RANBP2: variants seen among roughly 807,000 people sequenced by gnomAD.
RANBP2 encodes E3 SUMO-protein ligase RanBP2.
A neutral mutation model predicts 303.6 loss-of-function variants in RANBP2; 57 were observed. The observed-to-expected ratio is 0.19, with a 90% confidence interval of 0.15 to 0.23. RANBP2 has a LOEUF of 0.23. RANBP2 is among the 10% of genes least tolerant of loss of function. RANBP2 has a pLI of 1.00. For synonymous variants in RANBP2, 1,167 were observed against 1,301.5 expected (o/e 0.90, Z 2.23); for missense variants, 3,138 against 3,780.8 (o/e 0.83, Z 4.46).
chr2:108,758,581 G>T (rs779612317), intron 18 of RANBP2, 33 bp downstream of exon 18: 56 of 1,610,264 alleles, frequency 3.5e-5, no homozygotes, highest in Non-Finnish European at 4.6e-5. Context: ...GCATATTTTA[G>T]TAAAACTACT....
At chr2:108,768,621 G>A (rs889785858) in intron 20 of RANBP2, among the ~76,000 whole-genome samples, 1 of 152,122 alleles carries the variant, frequency 6.6e-6, no homozygotes, top group Non-Finnish European at 1.5e-5. Flanking sequence ...ATCATGCTAG[G>A]GCAGAGCAAA....
the RANBP2 span, among the ~76,000 whole-genome samples, chr2:108,913,462 A>G: frequency 6.6e-6 from 1 of 152,128 alleles, no homozygotes. Context: ...TACATAGAGT[A>G]GGAATGTGTT....
the RANBP2 span, among the ~76,000 whole-genome samples, chr2:109,341,472 A>T: frequency 6.6e-6 from 1 of 152,250 alleles, no homozygotes; most frequent in Non-Finnish European, 1.5e-5. Context: ...TATGAAAGTC[A>T]GTGCCTTGGC....
At chr2:109,326,303 GA>G in the RANBP2 span, among the ~76,000 whole-genome samples, 2 of 152,082 alleles carry the variant, frequency 1.3e-5, no homozygotes, top group African/African-American at 2.4e-5. Context: ...TCATGGATCT[GA>G]GTATATCATA....
At chr2:109,216,270 A>G in the RANBP2 span, among the ~76,000 whole-genome samples, 2 of 152,286 alleles carry the variant, frequency 1.3e-5, no homozygotes, top group East Asian at 1.9e-4. Flanking sequence ...GGCCAGCTCT[A>G]GCCCTGACTT....
chr2:109,595,473 A>G, the RANBP2 span, among the ~76,000 whole-genome samples: 1 of 152,318 alleles, frequency 6.6e-6, no homozygotes, highest in East Asian at 1.9e-4. Flanking sequence ...GTACCTAAGC[A>G]GTATCACGTC....
rs781507647 is a variant in RANBP2 at position 108,777,112 on chromosome 2, C to T, written c.8498-18C>T. The stretch of plus-strand genomic sequence containing the variant: ...AGCACAAATTAAATAGTAAATTGTT[C>T]TTTTTTTCTTTTGCCAGGGGAAAGC... On this transcript the variant is annotated intron_variant, in intron 24 of 28. Transcript: ENST00000283195. 3.7e-6 allele frequency: 6 copies of T among 1,606,490 alleles called. No individual in the cohort carries two copies. The highest frequency in any genetic ancestry group is 3.3e-4 in the Middle Eastern group (2 of 6,038).
At chr2:109,620,442 A>G in the RANBP2 span, among the ~76,000 whole-genome samples, 18 of 152,294 alleles carry the variant, frequency 1.2e-4, no homozygotes, top group Non-Finnish European at 2.5e-4. Context: ...TGGCTCACGC[A>G]TGTAATCCCA....
the RANBP2 span, among the ~76,000 whole-genome samples, chr2:108,860,688 A>G: frequency 8.3e-4 from 126 of 151,958 alleles, no homozygotes; most frequent in African/African-American, 2.9e-3. Context: ...TTGATGTGCT[A>G]CTAGGTTCCG....
chr2:109,055,325 A>AGTATATGT, the RANBP2 span, among the ~76,000 whole-genome samples: 1 of 149,608 alleles, frequency 6.7e-6, no homozygotes, highest in Non-Finnish European at 1.5e-5. Context: ...AGTATATTCC[A>AGTATATGT]GTATATGTGT....
chr2:109,690,250 T>A, the RANBP2 span, among the ~76,000 whole-genome samples: 2 of 152,160 alleles, frequency 1.3e-5, no homozygotes, highest in Non-Finnish European at 2.9e-5. Flanking sequence ...GAGACATCAA[T>A]TAACATATGT....
At chr2:109,230,908 C>T in the RANBP2 span, among the ~76,000 whole-genome samples, 12 of 152,330 alleles carry the variant, frequency 7.9e-5, no homozygotes, top group East Asian at 1.3e-3. Context: ...TCTCCCATCT[C>T]GGCTAAGGGA....
At chr2:109,063,862 A>G in the RANBP2 span, among the ~76,000 whole-genome samples, 2 of 151,452 alleles carry the variant, frequency 1.3e-5, no homozygotes, top group African/African-American at 4.9e-5. Flanking sequence ...TCCCCTTCCC[A>G]TAATACTAAA....
chr2:108,951,235 C>T, the RANBP2 span, among the ~76,000 whole-genome samples: 1 of 152,204 alleles, frequency 6.6e-6, no homozygotes, highest in Non-Finnish European at 1.5e-5. Flanking sequence ...CTTGAAGGGT[C>T]TCAATATCGG....
chr2:109,241,279 A>C, the RANBP2 span, among the ~76,000 whole-genome samples: 1 of 152,230 alleles, frequency 6.6e-6, no homozygotes, highest in East Asian at 1.9e-4. Flanking sequence ...CAGAAAAGAC[A>C]AATTCATTTG....
At chr2:109,521,102 A>C in the RANBP2 span, among the ~76,000 whole-genome samples, 4 of 152,134 alleles carry the variant, frequency 2.6e-5, no homozygotes, top group South Asian at 2.1e-4. Context: ...CTGTAGTCCC[A>C]GCTACTCGGA....
the RANBP2 span, among the ~76,000 whole-genome samples, chr2:108,873,859 A>G: frequency 6.6e-6 from 1 of 152,168 alleles, no homozygotes; most frequent in South Asian, 2.1e-4. Context: ...TGCAGGTTGG[A>G]CAAGCTTGAT....
At chr2:109,016,254 T>C in the RANBP2 span, among the ~76,000 whole-genome samples, 2 of 151,822 alleles carry the variant, frequency 1.3e-5, no homozygotes, top group Non-Finnish European at 2.9e-5. Flanking sequence ...GCTAATTTTT[T>C]TTTTTTTGTA....
At chr2:108,749,252 G>C (rs1216517599) in intron 9 of RANBP2, 123 bp downstream of exon 9, 1 of 1,512,014 alleles carries the variant, frequency 6.6e-7, no homozygotes, top group East Asian at 2.3e-5. Context: ...GGGTTGGGCT[G>C]GGGGGAGTTT....
Sources: allele counts gnomAD v4.1 joint callset (sites outside exome capture counted in the v4.1 genomes callset), GRCh38; gene constraint gnomAD v4.1.1; transcripts MANE v1.5; gene names NCBI Gene and HGNC (gene_info 2026-07-23, HGNC 2026-07-21).